PTPRK: variants seen among roughly 807,000 people sequenced by gnomAD.
PTPRK encodes the protein protein tyrosine phosphatase receptor type K, also known as receptor-type tyrosine-protein phosphatase kappa.
Under a neutral mutation model 178.0 loss-of-function variants are expected in PTPRK, and 75 were observed. That is an observed-to-expected ratio of 0.42 (90% confidence interval 0.35 to 0.51). The LOEUF is 0.51. Ranked by LOEUF, PTPRK falls within the 20% of genes least tolerant of loss-of-function variation. The pLI, the probability that PTPRK is intolerant of heterozygous loss-of-function variation, is 0.02. For synonymous variants in PTPRK, 637 were observed against 620.6 expected (o/e 1.03, Z -0.39); for missense variants, 1,441 against 1,797.8 (o/e 0.80, Z 3.59).
intron 1 of PTPRK, chr6:128,472,670 C>T (rs555892794): frequency 2.9e-5 from 10 of 349,100 alleles, no homozygotes; most frequent in Admixed American, 2.4e-4. Flanking sequence ...ATACAACTTG[C>T]TCTTTAACCC....
chr6:128,412,870 C>T (rs1250532662), intron 1 of PTPRK, among the ~76,000 whole-genome samples: 1 of 152,022 alleles, frequency 6.6e-6, no homozygotes, highest in African/African-American at 2.4e-5. Flanking sequence ...CCTTCACGAG[C>T]GGGAGGGAGG....
intron 2 of PTPRK, among the ~76,000 whole-genome samples, chr6:128,357,361 A>T (rs545437626): frequency 1.3e-5 from 2 of 152,342 alleles, no homozygotes; most frequent in African/African-American, 4.8e-5. Context: ...AAGCACAGGA[A>T]AGAAACAAAG....
intron 3 of PTPRK, among the ~76,000 whole-genome samples, chr6:128,273,700 G>T (rs1223521095): frequency 6.6e-6 from 1 of 152,188 alleles, no homozygotes; most frequent in African/African-American, 2.4e-5. Context: ...GGAATGAAAT[G>T]TCTAGGGTTA....
intron 1 of PTPRK, among the ~76,000 whole-genome samples, chr6:128,434,482 A>C (rs1222301154): frequency 2.0e-5 from 3 of 152,160 alleles, no homozygotes; most frequent in Non-Finnish European, 4.4e-5. Flanking sequence ...CCAACACTAA[A>C]TAGCCATATG....
Position 127,969,948 on chromosome 6 carries a change from C to T in PTPRK, c.*279G>A, listed in dbSNP as rs999361749. On this transcript the variant is annotated 3_prime_UTR_variant, in exon 30 of 30. Transcript: ENST00000368226. ...CATGAGAAAAAAGGTGGCATGTTCA[C>T]TGTACAAACACCAATACGTTCTCAT... The T allele has an allele frequency of 7.3e-6, 2 of 275,496 alleles. No individual in the cohort carries two copies. The highest frequency in any genetic ancestry group is 1.3e-5 in the Non-Finnish European group (2 of 148,950). 17.1% of individuals were successfully genotyped at this position (275,496 alleles called of 1,614,324 possible). A position where few individuals can be genotyped will look rare whatever the true frequency, so the allele number is the denominator to read the frequency against.
rs9491900 is a variant in PTPRK, at chr6:128,017,806, A to G, written c.2195-8538T>C. 1.0e-2 allele frequency among the ~76,000 whole-genome samples: 996 copies of G among 100,012 alleles called. 17 individuals carry two copies. Among genetic ancestry groups the G allele is most frequent in the African/African-American group, 0.067 (843 of 12,628 alleles). The allele number at this position is 100,012 out of a possible 152,430, so 65.6% of individuals were successfully genotyped here. On this transcript the variant is annotated intron_variant, in intron 13 of 29. Coordinates refer to ENST00000368226, the MANE Select transcript of PTPRK (RefSeq NM_002844.4). ...TATATAAATAAATATATATGTGTATATATATATATATATATATATATATAT... is the reference window on the plus strand; with the variant it reads ...TATATAAATAAATATATATGTGTATGTATATATATATATATATATATATAT...
chr6:128,132,581 C>T (rs1334597572), intron 7 of PTPRK, among the ~76,000 whole-genome samples: 1 of 152,218 alleles, frequency 6.6e-6, no homozygotes, highest in Non-Finnish European at 1.5e-5. Flanking sequence ...TCATGTTGGG[C>T]TGTACTGTAA....
At chr6:128,472,425 C>T (rs1319113930) in intron 1 of PTPRK, among the ~76,000 whole-genome samples, 1 of 148,448 alleles carries the variant, frequency 6.7e-6, no homozygotes, top group African/African-American at 2.5e-5. Flanking sequence ...TTGACACCCC[C>T]CCCCCCTTTA....
At chr6:128,290,479 T>C (rs1255236218) in intron 3 of PTPRK, among the ~76,000 whole-genome samples, 1 of 151,968 alleles carries the variant, frequency 6.6e-6, no homozygotes, top group African/African-American at 2.4e-5. Context: ...CTCAGGTCTT[T>C]CCCCAGTCCT....
At chr6:128,493,246 C>T (rs1471976365) in intron 1 of PTPRK, among the ~76,000 whole-genome samples, 2 of 152,108 alleles carry the variant, frequency 1.3e-5, no homozygotes, top group African/African-American at 4.8e-5. Flanking sequence ...TACATACGAA[C>T]ATCTCAAGCC....
intron 1 of PTPRK, chr6:128,491,627 A>G (rs537235382): frequency 4.6e-5 from 18 of 394,708 alleles, no homozygotes; most frequent in African/African-American, 2.9e-4. Context: ...TGGTGAGAAT[A>G]TGAGATTAAT....
intron 18 of PTPRK, among the ~76,000 whole-genome samples, chr6:127,995,018 T>C (rs184854226): frequency 6.6e-6 from 1 of 151,904 alleles, no homozygotes; most frequent in Non-Finnish European, 1.5e-5. Flanking sequence ...CATAATAAAC[T>C]GTCAAAGCTA....
intron 1 of PTPRK, among the ~76,000 whole-genome samples, chr6:128,514,236 A>G (rs1295723493): frequency 1.3e-5 from 2 of 152,240 alleles, no homozygotes; most frequent in South Asian, 2.1e-4. Flanking sequence ...TTCTACATCT[A>G]TGAAATAAAG....
chr6:128,026,256 C>A (rs1029213847), intron 13 of PTPRK, among the ~76,000 whole-genome samples: 3 of 152,218 alleles, frequency 2.0e-5, no homozygotes, highest in African/African-American at 7.2e-5. Flanking sequence ...GAACCTCTTA[C>A]AATTCTCTAC....
At chr6:128,352,717 A>G (rs1168315348) in intron 2 of PTPRK, among the ~76,000 whole-genome samples, 1 of 152,154 alleles carries the variant, frequency 6.6e-6, no homozygotes, top group African/African-American at 2.4e-5. Flanking sequence ...TGAGACATCA[A>G]ATTCTCAAAG....
intron 1 of PTPRK, among the ~76,000 whole-genome samples, chr6:128,449,823 C>A (rs756018281): frequency 6.6e-6 from 1 of 151,624 alleles, no homozygotes; most frequent in Non-Finnish European, 1.5e-5. Context: ...TGGCTGGGTG[C>A]GGTGGCTCAT....
At chr6:128,196,956 T>C (rs888143155) in intron 6 of PTPRK, among the ~76,000 whole-genome samples, 2 of 152,080 alleles carry the variant, frequency 1.3e-5, no homozygotes, top group Admixed American at 6.6e-5. Context: ...CCTGAAAATA[T>C]TACCTCAATC....
In PTPRK at chr6:128,384,569, A is replaced by G. The variant is rs575673880; in HGVS notation, c.223+12997T>C. Among the ~76,000 whole-genome samples, 188 of 152,306 alleles carry G rather than the reference A, an allele frequency of 1.2e-3. 1 individual carries two copies. Among genetic ancestry groups the G allele is most frequent in the Middle Eastern group, 0.01 (3 of 294 alleles). On this transcript the variant is annotated intron_variant, in intron 2 of 29. Transcript: ENST00000368226. ...GGACAAGCTTGATGTAAATAAAACC[A>G]CCAGTGGAAAGAGTTTGTTGTGAGT... is the stretch of plus-strand genomic sequence containing the variant.
At position 128,087,590 on chromosome 6, in the gene PTPRK, T is replaced by C. The variant is rs963757088; in HGVS notation, c.1465+2100A>G. Among the ~76,000 whole-genome samples the C allele has an allele frequency of 2.6e-5, 4 of 152,134 alleles. No homozygotes were observed. In the East Asian group the frequency reaches 5.8e-4, roughly 22 times the overall value. On this transcript the variant is annotated intron_variant, in intron 8 of 29. Transcript: ENST00000368226. ...TGGCAGGGGTAAGATATAAGGATAT[T>C]TGTGTGTTTATTAATTAGGAAAGGG...
Sources: gnomAD v4.1 joint callset for allele counts (sites outside exome capture counted in the v4.1 genomes callset) on GRCh38, gnomAD v4.1.1 for gene constraint, MANE v1.5 for transcripts, NCBI Gene and HGNC (gene_info 2026-07-23, HGNC 2026-07-21) for gene names.